The following SV2C variants were observed in gnomAD, a reference collection of about 807,000 sequenced individuals.
The protein encoded by SV2C is solute carrier family 22 member B3.
SV2C carries 49 observed loss-of-function variants against 79.7 expected under a neutral mutation model. The ratio of observed to expected loss-of-function variants is 0.61; its 90% CI spans 0.49 to 0.78. The LOEUF is 0.78. Among genes scored for constraint, SV2C ranks in the 30% least tolerant of loss-of-function variants. The pLI, the probability that SV2C is intolerant of heterozygous loss-of-function variation, is 0.00. For synonymous variants in SV2C, 334 were observed against 333.2 expected (o/e 1.00, Z -0.03); for missense variants, 833 against 912.9 (o/e 0.91, Z 1.13).
At chr5:76,161,711 A>G (rs977728925) in intron 2 of SV2C, among the ~76,000 whole-genome samples, 20 of 152,228 alleles carry the variant, frequency 1.3e-4, no homozygotes, top group Non-Finnish European at 1.5e-5. Flanking sequence ...ATCTGTAAAT[A>G]TACTAAAAAC....
chr5:76,303,545 A>C (rs1748083821), intron 12 of SV2C, among the ~76,000 whole-genome samples: 1 of 152,114 alleles, frequency 6.6e-6, no homozygotes, highest in South Asian at 2.1e-4. Flanking sequence ...CTTGTATACT[A>C]TAAGAGTGTG....
the SV2C span, among the ~76,000 whole-genome samples, chr5:76,033,508 C>A: frequency 6.6e-6 from 1 of 152,174 alleles, no homozygotes; most frequent in Admixed American, 6.5e-5. Flanking sequence ...AGAGGGAATC[C>A]TTTCCCCATT....
At chr5:75,996,937 C>G in the SV2C span, among the ~76,000 whole-genome samples, 30 of 133,610 alleles carry the variant, frequency 2.2e-4, 2 homozygotes, top group African/African-American at 8.2e-4. Context: ...CAAACACGGA[C>G]AATTTGACTT....
intron 4 of SV2C, among the ~76,000 whole-genome samples, chr5:76,273,283 T>C (rs1746929769): frequency 1.3e-5 from 2 of 151,820 alleles, no homozygotes; most frequent in South Asian, 2.1e-4. Flanking sequence ...TTGCTTAAAA[T>C]ATAGACACAC....
At chr5:75,998,677 GGTGT>G in the SV2C span, among the ~76,000 whole-genome samples, 1,657 of 146,604 alleles carry the variant, frequency 0.011, 26 homozygotes, top group African/African-American at 0.042. Flanking sequence ...TATGTGTGTG[GGTGT>G]GTGTGTGTGT....
intron 1 of SV2C, among the ~76,000 whole-genome samples, chr5:76,096,393 A>G (rs1747562160): frequency 6.6e-6 from 1 of 152,212 alleles, no homozygotes; most frequent in African/African-American, 2.4e-5. Flanking sequence ...CATGCTGCTT[A>G]CATCAACCAC....
upstream of SV2C, among the ~76,000 whole-genome samples, chr5:76,081,466 C>T (rs563171941): frequency 6.6e-6 from 1 of 152,258 alleles, no homozygotes; most frequent in South Asian, 2.1e-4. Context: ...TTCATAGGCA[C>T]TTCCTTGTCA....
At chr5:76,353,223 T>G in exon 13 of SV2C, 4 of 339,666 alleles carry the variant, frequency 1.2e-5, no homozygotes, top group Non-Finnish European at 2.4e-5. Flanking sequence ...GGGATTACAG[T>G]CTCGAGCCAC....
At position 76,195,079 on chromosome 5, in the gene SV2C, T is replaced by C; in HGVS notation, c.741T>C (p.Cys247=). Residue 247 remains cysteine, a synonymous_variant, in exon 3 of 13, where the codon TGT becomes TGC. Transcript: ENST00000502798. ...AAGGTTATGGCTTCTTTCTCTTCTG[T>C]CGCTTACTTTCTGGATTCGGGTAAG... ...FVQGYGFFLF[C]RLLSGFGIGG... 1 of 1,613,742 alleles carries C rather than the reference T, an allele frequency of 6.2e-7. No individual in the cohort carries two copies. The highest frequency in any genetic ancestry group is 8.5e-7 in the Non-Finnish European group (1 of 1,179,866).
the SV2C span, among the ~76,000 whole-genome samples, chr5:75,857,116 C>A: frequency 5.6e-3 from 847 of 152,114 alleles, 3 homozygotes; most frequent in African/African-American, 0.019. Flanking sequence ...TGCCACCACG[C>A]CTGGCTAATT....
chr5:76,072,618 A>C, the SV2C span, among the ~76,000 whole-genome samples: 1 of 152,206 alleles, frequency 6.6e-6, no homozygotes, highest in Non-Finnish European at 1.5e-5. Context: ...CTCTGGGTAG[A>C]TACCCAGGAG....
rs566313017 is a variant in SV2C, at chr5:76,155,606, T to C, written c.580+23276T>C. On this transcript the variant is annotated intron_variant, in intron 2 of 12. Coordinates refer to ENST00000502798, the MANE Select transcript of SV2C (RefSeq NM_014979.4). ...CTTTCTTTCATCCAGCCTCCACCCA[T>C]AGGACAGAGGAATCTACCTTGAATG... is the stretch of plus-strand genomic sequence containing the variant. 8.5e-5 allele frequency among the ~76,000 whole-genome samples: 13 copies of C among 152,242 alleles called. No individual in the cohort carries two copies. The South Asian group carries it at 1.0e-3, about 12-fold the overall frequency.
the SV2C span, among the ~76,000 whole-genome samples, chr5:76,016,590 T>C: frequency 6.6e-6 from 1 of 152,192 alleles, no homozygotes; most frequent in Non-Finnish European, 1.5e-5. Context: ...GGCTGACATT[T>C]TTCATCTGTA....
chr5:76,081,971 C>T (rs1043075513), upstream of SV2C: 2 of 152,298 alleles, frequency 1.3e-5, no homozygotes, highest in Non-Finnish European at 2.9e-5. Flanking sequence ...TTTCTATCCA[C>T]ACAGCGTTCA....
chr5:75,982,238 GAAA>G, the SV2C span, among the ~76,000 whole-genome samples: 1 of 138,874 alleles, frequency 7.2e-6, no homozygotes, highest in African/African-American at 2.5e-5. Flanking sequence ...AAAATAAAAA[GAAA>G]AAAAAAAAGA....
chr5:76,280,000 G>T (rs1747134564), intron 4 of SV2C, among the ~76,000 whole-genome samples: 1 of 152,126 alleles, frequency 6.6e-6, no homozygotes, highest in Non-Finnish European at 1.5e-5. Flanking sequence ...TGGAACAGGG[G>T]CAGGTGGATG....
rs909815007 is a variant in SV2C, at chr5:76,087,645, A to G, written c.-102+4133A>G. Among the ~76,000 whole-genome samples the G allele has an allele frequency of 3.9e-5, 6 of 152,300 alleles. No homozygotes were observed. The South Asian group carries it at 6.2e-4, about 16-fold the overall frequency. ...TGGGTCCAGAATGTGCTGTTTATCA[A>G]GCTCTGCCAAGTGAGTCGGATGTTA... On this transcript the variant is annotated intron_variant, in intron 1 of 12. Coordinates refer to ENST00000502798, the MANE Select transcript of SV2C (RefSeq NM_014979.4).
chr5:76,277,871 G>A (rs1038932177), intron 4 of SV2C, among the ~76,000 whole-genome samples: 1 of 152,168 alleles, frequency 6.6e-6, no homozygotes, highest in Non-Finnish European at 1.5e-5. Flanking sequence ...CCAGGGGTTA[G>A]GGCTGGAGGA....
At chr5:76,008,702 G>A in the SV2C span, among the ~76,000 whole-genome samples, 1 of 152,032 alleles carries the variant, frequency 6.6e-6, no homozygotes, top group South Asian at 2.1e-4. Flanking sequence ...TTCCACCCTT[G>A]TCCCGAGGCA....
Sources: allele counts gnomAD v4.1 joint callset (sites outside exome capture counted in the v4.1 genomes callset), GRCh38; gene constraint gnomAD v4.1.1; transcripts MANE v1.5; gene names NCBI Gene and HGNC (gene_info 2026-07-23, HGNC 2026-07-21).